DNAJC1: variants seen among roughly 807,000 people sequenced by gnomAD.
DNAJC1 encodes the protein dnaJ homolog subfamily C member 1.
A neutral mutation model predicts 76.6 loss-of-function variants in DNAJC1; 58 were observed. The ratio of observed to expected loss-of-function variants is 0.76; its 90% CI spans 0.61 to 0.94. The LOEUF (loss-of-function observed/expected upper bound fraction) is 0.94, where lower values mean the gene tolerates loss of function less well. DNAJC1 is among the 40% of genes least tolerant of loss of function. DNAJC1 has a pLI of 0.00. For synonymous variants in DNAJC1, 258 were observed against 267.9 expected (o/e 0.96, Z 0.36); for missense variants, 689 against 677.3 (o/e 1.02, Z -0.19).
At chr10:21,965,216 T>C (rs1035122836) in intron 1 of DNAJC1, among the ~76,000 whole-genome samples, 1 of 152,216 alleles carries the variant, frequency 6.6e-6, no homozygotes, top group Admixed American at 6.5e-5. Context: ...TGTTTTCTCT[T>C]TCAGTTCACT....
At chr10:21,946,434 T>C (rs558397482) in intron 1 of DNAJC1, among the ~76,000 whole-genome samples, 3 of 152,262 alleles carry the variant, frequency 2.0e-5, no homozygotes, top group Middle Eastern at 6.8e-3. Flanking sequence ...GAGATACCAC[T>C]ACATACCTAC....
intron 8 of DNAJC1, among the ~76,000 whole-genome samples, chr10:21,856,119 A>G (rs1040928006): frequency 6.6e-6 from 1 of 152,190 alleles, no homozygotes; most frequent in African/African-American, 2.4e-5. Context: ...CATTCTCCTG[A>G]AGGTAGATAT....
Position 21,759,248 on chromosome 10 carries a change from T to C in DNAJC1, c.1518A>G (p.Glu506=). Residue 506 remains glutamate (E), a synonymous_variant, in exon 11 of 12, where the codon GAA becomes GAG. Transcript: ENST00000376980. ...CCCTTGGGTACTGCTGCAACGCCAG[T>C]TCCAGAAGTTTCTGTTGATTTTGAG... The part of the protein sequence containing the change: ...PWTQNQQKLL[E]LALQQYPRGS... The C allele has an allele frequency of 6.2e-7, 1 of 1,614,256 alleles. No homozygotes were observed. The highest frequency in any genetic ancestry group is 8.5e-7 in the Non-Finnish European group (1 of 1,180,046).
chr10:21,922,505 C>T (rs1837057196), intron 3 of DNAJC1, among the ~76,000 whole-genome samples: 1 of 151,912 alleles, frequency 6.6e-6, no homozygotes, highest in African/African-American at 2.4e-5. Flanking sequence ...TATGGTTTGG[C>T]AGTAGCTACA....
chr10:21,956,984 C>A (rs991212444), intron 1 of DNAJC1, among the ~76,000 whole-genome samples: 16 of 151,518 alleles, frequency 1.1e-4, no homozygotes, highest in African/African-American at 3.4e-4. Flanking sequence ...CTCCGCCTCC[C>A]GGGTTCAAGT....
chr10:21,947,719 A>G (rs565462094), intron 1 of DNAJC1, among the ~76,000 whole-genome samples: 81 of 152,244 alleles, frequency 5.3e-4, no homozygotes, highest in African/African-American at 1.9e-3. Context: ...GATACTGCAT[A>G]TCTTTTCTAT....
At chr10:21,906,212 C>G (rs1184400852) in intron 6 of DNAJC1, among the ~76,000 whole-genome samples, 1 of 152,116 alleles carries the variant, frequency 6.6e-6, no homozygotes, top group Non-Finnish European at 1.5e-5. Context: ...AGGATTCACA[C>G]AAGCCCTAGG....
intron 8 of DNAJC1, among the ~76,000 whole-genome samples, chr10:21,879,580 T>G (rs1256086690): frequency 6.6e-6 from 1 of 152,050 alleles, no homozygotes; most frequent in African/African-American, 2.4e-5. Flanking sequence ...GCCGAGATCA[T>G]GCCACTGCAC....
chr10:21,910,762 TC>T (rs1240656723), intron 6 of DNAJC1, among the ~76,000 whole-genome samples: 1 of 140,776 alleles, frequency 7.1e-6, no homozygotes, highest in African/African-American at 2.7e-5. Flanking sequence ...GGCACACGTT[TC>T]CCTATGTAAC....
intron 8 of DNAJC1, among the ~76,000 whole-genome samples, chr10:21,832,024 A>T (rs763761244): frequency 5.9e-5 from 9 of 152,184 alleles, no homozygotes; most frequent in Non-Finnish European, 8.8e-5. Context: ...TTGACATAGG[A>T]TATAAGAAAA....
At chr10:21,899,384 C>G (rs1049528345) in intron 7 of DNAJC1, among the ~76,000 whole-genome samples, 1 of 152,200 alleles carries the variant, frequency 6.6e-6, no homozygotes, top group Non-Finnish European at 1.5e-5. Context: ...CGAGTTAAGA[C>G]CCACTGGGGC....
At chr10:21,958,638 G>A (rs569195703) in intron 1 of DNAJC1, among the ~76,000 whole-genome samples, 7 of 152,166 alleles carry the variant, frequency 4.6e-5, no homozygotes, top group Admixed American at 1.3e-4. Context: ...GTGTTAGCCA[G>A]GACAGTCTCG....
chr10:21,843,865 GGTTTGGCTGT>G (rs762037958), intron 8 of DNAJC1, among the ~76,000 whole-genome samples: 6 of 151,920 alleles, frequency 3.9e-5, no homozygotes, highest in Non-Finnish European at 8.8e-5. Context: ...TCAGTGATAT[GGTTTGGCTGT>G]GTCCTCACAC....
Position 21,972,150 on chromosome 10 carries a change from T to C in DNAJC1, c.222+31063A>G, listed in dbSNP as rs970766787. On this transcript the variant is annotated intron_variant, in intron 1 of 11. Coordinates refer to ENST00000376980, the MANE Select transcript of DNAJC1 (RefSeq NM_022365.4). Reference sequence around the variant, plus strand: ...AATGAAATTACAAAACAAAGACATATAAAATATAACTCCAAATATTGTTAT... The same window carrying C: ...AATGAAATTACAAAACAAAGACATACAAAATATAACTCCAAATATTGTTAT... Among the ~76,000 whole-genome samples the C allele has an allele frequency of 3.3e-5, 5 of 151,918 alleles. No homozygotes were observed. The East Asian group carries it at 9.6e-4, about 29-fold the overall frequency.
chr10:21,976,326 T>C (rs1838061555), intron 1 of DNAJC1, among the ~76,000 whole-genome samples: 1 of 152,168 alleles, frequency 6.6e-6, no homozygotes, highest in Non-Finnish European at 1.5e-5. Flanking sequence ...TGTTGGCATA[T>C]GTAAAAGGCT....
intron 1 of DNAJC1, among the ~76,000 whole-genome samples, chr10:21,949,295 T>C (rs957942011): frequency 1.3e-5 from 2 of 152,088 alleles, no homozygotes; most frequent in Non-Finnish European, 2.9e-5. Flanking sequence ...TTTTAACCAA[T>C]TGGATGATTT....
Position 21,759,687 on chromosome 10 carries a change from C to T in DNAJC1, c.1148-69G>A, listed in dbSNP as rs528420852. 685 of 1,476,312 alleles carry T rather than the reference C, an allele frequency of 4.6e-4. 2 individuals are homozygous for T. The highest frequency in any genetic ancestry group is 6.2e-4 in the Non-Finnish European group (669 of 1,082,958). The allele number at this position is 1,476,312 out of a possible 1,614,324, so 91.5% of individuals were successfully genotyped here. A position where few individuals can be genotyped will look rare whatever the true frequency, so the allele number is the denominator to read the frequency against. ...ATTAAGGAGACGGTGAGAACAGCAG[C>T]TGCCGGGCACAGAGCAGGCAGCGCA... On this transcript the variant is annotated intron_variant, in intron 10 of 11. Coordinates refer to ENST00000376980, the MANE Select transcript of DNAJC1 (RefSeq NM_022365.4).
chr10:21,905,257 C>CAA (rs780987548), intron 6 of DNAJC1, among the ~76,000 whole-genome samples: 2 of 115,346 alleles, frequency 1.7e-5, no homozygotes, highest in Non-Finnish European at 1.9e-5. Flanking sequence ...AGTGGTGTAC[C>CAA]AAAAAAAAAA....
intron 1 of DNAJC1, among the ~76,000 whole-genome samples, chr10:21,948,156 T>C (rs528345024): frequency 1.0e-3 from 151 of 147,152 alleles, no homozygotes; most frequent in African/African-American, 3.6e-3. Context: ...AGTGGCACAA[T>C]CTTGGCTCAC....
Sources: gnomAD v4.1 joint callset for allele counts (sites outside exome capture counted in the v4.1 genomes callset) on GRCh38, gnomAD v4.1.1 for gene constraint, MANE v1.5 for transcripts, NCBI Gene and HGNC (gene_info 2026-07-23, HGNC 2026-07-21) for gene names.